The following LITAF variants were observed in gnomAD, a reference collection of about 807,000 sequenced individuals.
LITAF encodes lipopolysaccharide-induced tumor necrosis factor-alpha factor.
In LITAF, 9 loss-of-function variants were observed where a neutral mutation model predicts 14.5. That is an observed-to-expected ratio of 0.62 (90% confidence interval 0.37 to 1.08). The LOEUF (loss-of-function observed/expected upper bound fraction) is 1.08, where lower values mean the gene tolerates loss of function less well. LITAF is among the 50% of genes least tolerant of loss of function. LITAF has a pLI of 0.01. For missense variants in LITAF, 206 were observed against 213.4 expected (o/e 0.97, Z 0.22); for synonymous variants, 98 against 88.2 (o/e 1.11, Z -0.62).
At chr16:11,550,228 T>A (rs948657316) in intron 3 of LITAF, among the ~76,000 whole-genome samples, 2 of 152,356 alleles carry the variant, frequency 1.3e-5, no homozygotes, top group Admixed American at 1.3e-4. Flanking sequence ...TAGCTGGGAT[T>A]GCAGGCGCAT....
In LITAF at chr16:11,548,348, T is replaced by C; in HGVS notation, c.*1289A>G. 1 of 454,094 alleles carries C rather than the reference T, an allele frequency of 2.2e-6. No individual in the cohort carries two copies. The highest frequency in any genetic ancestry group is 4.4e-6 in the Non-Finnish European group (1 of 226,790). 28.1% of individuals were successfully genotyped at this position (454,094 alleles called of 1,614,324 possible). ...CTAGAAATCATGTCTTCTCATGTTTTACAACAAGCTGTGTCTCTGAAAACT... is the reference window on the plus strand; with the variant it reads ...CTAGAAATCATGTCTTCTCATGTTTCACAACAAGCTGTGTCTCTGAAAACT... On this transcript the variant is annotated 3_prime_UTR_variant, in exon 4 of 4. Transcript: ENST00000622633.
rs1209565150 is a variant in LITAF, at chr16:11,553,798, T to C, written c.221-109A>G. 7.8e-7 allele frequency: 1 copy of C among 1,275,812 alleles called. No homozygotes were observed. The highest frequency in any genetic ancestry group is 1.3e-5 in the South Asian group (1 of 78,418). The allele number at this position is 1,275,812 out of a possible 1,614,324, so 79.0% of individuals were successfully genotyped here. A position where few individuals can be genotyped will look rare whatever the true frequency, so the allele number is the denominator to read the frequency against. On this transcript the variant is annotated intron_variant, in intron 2 of 3. Transcript: ENST00000622633. This position sits in a 1 kb window ranked among gnomAD's most constrained non-coding sequence, Gnocchi z 7.7. ...GGGATGCCAGCAAATATTATATTTGTACATTTGTGTTCATAGCATGCGTTC... is the reference window on the plus strand; with the variant it reads ...GGGATGCCAGCAAATATTATATTTGCACATTTGTGTTCATAGCATGCGTTC...
upstream of LITAF, chr16:11,587,494 TG>T: frequency 2.2e-6 from 1 of 453,542 alleles, no homozygotes; most frequent in South Asian, 1.6e-5. Flanking sequence ...GTCTGCAAAA[TG>T]GGCACAATAG....
At chr16:11,578,658 G>A (rs1347290625) in intron 1 of LITAF, among the ~76,000 whole-genome samples, 1 of 152,116 alleles carries the variant, frequency 6.6e-6, no homozygotes, top group Non-Finnish European at 1.5e-5. Flanking sequence ...CATCTGCAAT[G>A]TCATGTGCAT....
chr16:11,592,011 A>G (rs2064849935), upstream of LITAF, among the ~76,000 whole-genome samples: 1 of 152,264 alleles, frequency 6.6e-6, no homozygotes, highest in Non-Finnish European at 1.5e-5. Context: ...AGGAAACAAC[A>G]GCATAAATCT....
At chr16:11,573,236 G>T (rs925083777) in intron 1 of LITAF, among the ~76,000 whole-genome samples, 6 of 152,090 alleles carry the variant, frequency 3.9e-5, no homozygotes, top group African/African-American at 1.2e-4. Flanking sequence ...GGCCATAAAA[G>T]ATTTTTTTTA....
intron 3 of LITAF, among the ~76,000 whole-genome samples, chr16:11,606,877 G>GATCC (rs2064957742): frequency 6.6e-6 from 1 of 152,202 alleles, no homozygotes; most frequent in East Asian, 1.9e-4. Flanking sequence ...GACCTCAGGT[G>GATCC]ATCCACCTGC....
chr16:11,558,491 T>G lies in LITAF; in HGVS notation c.-5-1756A>C, dbSNP rs180754217. On this transcript the variant is annotated intron_variant, in intron 1 of 3. Coordinates refer to ENST00000622633, the MANE Select transcript of LITAF (RefSeq NM_001136472.2). This position sits in a 1 kb window ranked among gnomAD's most constrained non-coding sequence, Gnocchi z 4.1. ...GGGAGGTTGAGGCAGGAGGATCACT[T>G]GAGCCCAGGAATTCACCACCAGCCT... Among the ~76,000 whole-genome samples, 15 of 152,266 alleles carry G rather than the reference T, an allele frequency of 9.9e-5. No homozygotes were observed. The highest frequency in any genetic ancestry group is 6.8e-3 in the Middle Eastern group (2 of 294).
At chr16:11,551,754 C>A in intron 3 of LITAF, 1 of 686,694 alleles carries the variant, frequency 1.5e-6, no homozygotes, top group Non-Finnish European at 2.7e-6. Context: ...ATTGCAGGAG[C>A]CCAGGAGATC....
chr16:11,610,052 A>G (rs1200458491), intron 3 of LITAF, among the ~76,000 whole-genome samples: 2 of 152,184 alleles, frequency 1.3e-5, no homozygotes, highest in Non-Finnish European at 2.9e-5. Context: ...TCCCCACCCT[A>G]GTCCCCACTG....
intron 1 of LITAF, among the ~76,000 whole-genome samples, chr16:11,572,172 C>T (rs1358120730): frequency 6.6e-6 from 1 of 152,060 alleles, no homozygotes; most frequent in Non-Finnish European, 1.5e-5. Context: ...GTCCTCAGCC[C>T]CTCCAGTGAC....
intron 1 of LITAF, among the ~76,000 whole-genome samples, chr16:11,595,328 C>A (rs779734057): frequency 9.3e-4 from 142 of 152,182 alleles, no homozygotes; most frequent in Non-Finnish European, 1.5e-3. Context: ...CTGGCCCTGA[C>A]CCTGGCCAAA....
At chr16:11,597,657 T>G (rs1269568413) in intron 1 of LITAF, among the ~76,000 whole-genome samples, 2 of 152,124 alleles carry the variant, frequency 1.3e-5, no homozygotes, top group Non-Finnish European at 2.9e-5. Context: ...ATCTGTGACT[T>G]TCTGGCCACA....
chr16:11,553,418 A>C lies in LITAF; in HGVS notation c.377+115T>G. ...AGAACCAGATTCCATCTCAAAAAAA[A>C]ACAACACAAATGTCTGGCCCTGAAT... On this transcript the variant is annotated intron_variant, in intron 3 of 3. Coordinates refer to ENST00000622633, the MANE Select transcript of LITAF (RefSeq NM_001136472.2). The surrounding 1 kb of genome is among the most constrained non-coding windows in gnomAD (Gnocchi z 7.7). The C allele has an allele frequency of 8.3e-7, 1 of 1,204,478 alleles. No homozygotes were observed. The highest frequency in any genetic ancestry group is 2.6e-4 in the Middle Eastern group (1 of 3,842). The allele number at this position is 1,204,478 out of a possible 1,614,324, so 74.6% of individuals were successfully genotyped here. A position where few individuals can be genotyped will look rare whatever the true frequency, so the allele number is the denominator to read the frequency against.
In LITAF at chr16:11,606,952, C is replaced by G. The variant is rs753988; in HGVS notation, c.85+26581G>C. ...CTGCGCCCGGCCTACTTCACTGTAT[C>G]CTTCCAACAACCTTACGAGCGAAGT... On this transcript the variant is annotated intron_variant, in intron 3 of 3. Coordinates refer to the LITAF transcript ENST00000574848. Among the ~76,000 whole-genome samples the G allele has an allele frequency of 7.4e-3, 1,130 of 152,090 alleles. 18 individuals are homozygous for G. The highest frequency in any genetic ancestry group is 0.026 in the African/African-American group (1,063 of 41,470).
chr16:11,572,789 T>TA (rs1211129496), intron 1 of LITAF, among the ~76,000 whole-genome samples: 1 of 152,116 alleles, frequency 6.6e-6, no homozygotes, highest in Non-Finnish European at 1.5e-5. Context: ...GATGTCCAAA[T>TA]AAAGCCTGGA....
chr16:11,558,849 T>C lies in LITAF; in HGVS notation c.-5-2114A>G, dbSNP rs2064313981. Reference sequence around the variant, plus strand: ...GGAGAACACGTGTTCAAGACTTCTTTCTATCAGAGTGCTGTCCAACAGAAT... The same window carrying C: ...GGAGAACACGTGTTCAAGACTTCTTCCTATCAGAGTGCTGTCCAACAGAAT... On this transcript the variant is annotated intron_variant, in intron 1 of 3. Transcript: ENST00000622633. This position sits in a 1 kb window ranked among gnomAD's most constrained non-coding sequence, Gnocchi z 4.1. Among the ~76,000 whole-genome samples the C allele has an allele frequency of 6.6e-6, 1 of 152,216 alleles. No homozygotes were observed. Among genetic ancestry groups the C allele is most frequent in the African/African-American group, 2.4e-5 (1 of 41,462 alleles).
intron 3 of LITAF, among the ~76,000 whole-genome samples, chr16:11,609,278 C>T (rs1295260236): frequency 6.6e-6 from 1 of 150,994 alleles, no homozygotes; most frequent in African/African-American, 2.4e-5. Flanking sequence ...GTGGCGAGAT[C>T]TCAGCTCACT....
intron 2 of LITAF, among the ~76,000 whole-genome samples, chr16:11,554,391 C>G (rs910204925): frequency 6.6e-6 from 1 of 152,138 alleles, no homozygotes; most frequent in Admixed American, 6.5e-5. Context: ...TGTAAGACAA[C>G]AAGCTAGTGA....
Sources: gnomAD v4.1 joint callset for allele counts (sites outside exome capture counted in the v4.1 genomes callset) on GRCh38, gnomAD v4.1.1 for gene constraint, Gnocchi (gnomAD v3.1) non-coding constraint, MANE v1.5 for transcripts, NCBI Gene and HGNC (gene_info 2026-07-23, HGNC 2026-07-21) for gene names.